The following GRIA3 variants were observed in gnomAD, a reference collection of about 807,000 sequenced individuals.
The protein encoded by GRIA3 is glutamate ionotropic receptor AMPA type subunit 3, also known as glutamate receptor 3.
A neutral mutation model predicts 63.0 loss-of-function variants in GRIA3; 3 were observed. The observed-to-expected ratio is 0.05, with a 90% confidence interval of 0.02 to 0.12. GRIA3 has a LOEUF of 0.12. Ranked by LOEUF, GRIA3 falls within the 10% of genes least tolerant of loss-of-function variation. The pLI is 1.00. For synonymous variants in GRIA3, 274 were observed against 257.9 expected, an observed-to-expected ratio of 1.06 and a Z score of -0.60; for missense variants, 347 against 700.9, an observed-to-expected ratio of 0.50 and a Z score of 5.70.
chrX:123,269,965 A>T (rs1255240589), intron 3 of GRIA3, among the ~76,000 whole-genome samples: 10 of 112,678 alleles, frequency 8.9e-5, no homozygotes, highest in Admixed American at 2.8e-4. Context: ...GAAATTCTTG[A>T]AGTCAGTGGC....
intron 12 of GRIA3, among the ~76,000 whole-genome samples, chrX:123,439,031 T>C (rs1380450828): frequency 1.8e-5 from 2 of 111,916 alleles, no homozygotes; most frequent in African/African-American, 6.5e-5. Context: ...GGTATATGTA[T>C]GTATGCATGT....
chrX:123,334,170 C>A (rs560550319), intron 4 of GRIA3, among the ~76,000 whole-genome samples: 34 of 111,708 alleles, frequency 3.0e-4, no homozygotes, highest in Middle Eastern at 4.7e-3. Context: ...TAAGTCTAAC[C>A]TAGTATCTTT....
chrX:123,254,861 T>C (rs961629047), intron 3 of GRIA3, among the ~76,000 whole-genome samples: 2 of 111,960 alleles, frequency 1.8e-5, no homozygotes, highest in African/African-American at 6.5e-5. Flanking sequence ...GGTGTGTTCC[T>C]TCTTAATGTT....
intron 6 of GRIA3, among the ~76,000 whole-genome samples, chrX:123,396,199 A>AAAT (rs10528905): frequency 0.067 from 5,724 of 85,926 alleles, 396 homozygotes; most frequent in African/African-American, 0.19. Flanking sequence ...CTCCATCTCA[A>AAAT]AATAATAATA....
intron 3 of GRIA3, among the ~76,000 whole-genome samples, chrX:123,285,288 C>T (rs899552788): frequency 1.2e-4 from 13 of 110,396 alleles, no homozygotes; most frequent in Middle Eastern, 4.6e-3. Context: ...TACCAGCCAC[C>T]GCAAAAACAT....
At chrX:123,471,848 T>C (rs1381383667) in intron 13 of GRIA3, among the ~76,000 whole-genome samples, 3 of 104,854 alleles carry the variant, frequency 2.9e-5, no homozygotes, top group Admixed American at 1.0e-4. Context: ...GGTATAGCAT[T>C]TGGCCCTTGG....
chrX:123,484,143 T>G (rs778975754), intron 15 of GRIA3, among the ~76,000 whole-genome samples: 7 of 112,266 alleles, frequency 6.2e-5, no homozygotes, highest in Non-Finnish European at 9.4e-5. Flanking sequence ...AGCCAAGCCC[T>G]AATTCATACT....
chrX:123,418,558 A>G (rs1167163353), intron 11 of GRIA3, among the ~76,000 whole-genome samples: 1 of 112,563 alleles, frequency 8.9e-6, no homozygotes, highest in East Asian at 2.8e-4. Flanking sequence ...ACTCAATAAA[A>G]AGAAGACAAT....
At chrX:123,285,262 TG>T (rs776223799) in intron 3 of GRIA3, among the ~76,000 whole-genome samples, 1 of 110,738 alleles carries the variant, frequency 9.0e-6, no homozygotes, top group East Asian at 2.8e-4. Context: ...CACTATATAC[TG>T]AATGGAAAAA....
chrX:123,429,753 T>C (rs1288019312), intron 12 of GRIA3, among the ~76,000 whole-genome samples: 1 of 112,225 alleles, frequency 8.9e-6, no homozygotes, highest in East Asian at 2.8e-4. Context: ...GAAGCTTCTA[T>C]ATGAAGTAAT....
chrX:123,474,297 T>C (rs960446344), intron 13 of GRIA3, among the ~76,000 whole-genome samples: 2 of 112,677 alleles, frequency 1.8e-5, no homozygotes, highest in Non-Finnish European at 3.7e-5. Flanking sequence ...TGCTATTTAC[T>C]ATTTTAGGTA....
At chrX:123,207,070 T>C (rs183224394) in intron 2 of GRIA3, among the ~76,000 whole-genome samples, 1,213 of 110,780 alleles carry the variant, frequency 0.011, 8 homozygotes, top group Non-Finnish European at 0.017. Flanking sequence ...AGATTGACTA[T>C]GCAAGACAAA....
At position 123,489,072 on chromosome X, in the gene GRIA3, T is replaced by A. The variant is rs952764181; in HGVS notation, c.*362T>A. 1.2e-5 allele frequency: 1 copy of A among 84,771 alleles called. No homozygotes were observed. The highest frequency in any genetic ancestry group is 2.3e-5 in the Non-Finnish European group (1 of 43,095). 7.0% of individuals were successfully genotyped at this position (84,771 alleles called of 1,213,427 possible). A position where few individuals can be genotyped will look rare whatever the true frequency, so the allele number is the denominator to read the frequency against. ...ACCACTGCAGAGTATATAAACACCA[T>A]GTTCTTTAATACACACACACACACA... On this transcript the variant is annotated 3_prime_UTR_variant, in exon 16 of 16. Transcript: ENST00000620443.
chrX:123,452,150 G>A (rs1281762960), intron 12 of GRIA3, among the ~76,000 whole-genome samples: 4 of 111,345 alleles, frequency 3.6e-5, no homozygotes, highest in South Asian at 3.8e-4. Flanking sequence ...GACCATTGTT[G>A]ATTATTCTAA....
intron 4 of GRIA3, among the ~76,000 whole-genome samples, chrX:123,351,815 C>T (rs967409051): frequency 2.7e-5 from 3 of 112,230 alleles, no homozygotes; most frequent in Non-Finnish European, 5.6e-5. Flanking sequence ...TAATTATGGG[C>T]TTCAATACAT....
chrX:123,413,795 C>A (rs774595335), intron 10 of GRIA3, among the ~76,000 whole-genome samples: 2 of 110,918 alleles, frequency 1.8e-5, no homozygotes, highest in Admixed American at 1.9e-4. Flanking sequence ...CCTTAAAGAA[C>A]AAACCTTCAT....
intron 15 of GRIA3, among the ~76,000 whole-genome samples, chrX:123,484,456 T>C (rs920373621): frequency 9.0e-6 from 1 of 111,284 alleles, no homozygotes; most frequent in African/African-American, 3.3e-5. Flanking sequence ...TGTTGTTTTG[T>C]TTTGGGGTTT....
At chrX:123,245,100 AG>A (rs778954843) in intron 2 of GRIA3, among the ~76,000 whole-genome samples, 20 of 112,380 alleles carry the variant, frequency 1.8e-4, no homozygotes, top group Non-Finnish European at 3.8e-4. Flanking sequence ...CGTACCTTAG[AG>A]GCAGAATTGG....
chrX:123,344,436 G>A (rs907703505), intron 4 of GRIA3, among the ~76,000 whole-genome samples: 2 of 112,008 alleles, frequency 1.8e-5, no homozygotes, highest in East Asian at 5.7e-4. Flanking sequence ...AGCTAATGGT[G>A]AATGGGAGTT....
Sources: gnomAD v4.1 joint callset for allele counts (sites outside exome capture counted in the v4.1 genomes callset) on GRCh38, gnomAD v4.1.1 for gene constraint, MANE v1.5 for transcripts, NCBI Gene and HGNC (gene_info 2026-07-23, HGNC 2026-07-21) for gene names.